The following SLC16A2 variants were observed in gnomAD, a reference collection of about 807,000 sequenced individuals.
SLC16A2 encodes the protein monocarboxylate transporter 8.
A neutral mutation model predicts 27.2 loss-of-function variants in SLC16A2; 3 were observed. The observed-to-expected ratio is 0.11, with a 90% CI of 0.05 to 0.28. The LOEUF (loss-of-function observed/expected upper bound fraction) is 0.28. Among genes scored for constraint, SLC16A2 ranks in the 10% least tolerant of loss-of-function variants. SLC16A2 has a pLI of 1.00. For missense variants in SLC16A2, 295 were observed against 458.5 expected (o/e 0.64, Z 3.26); for synonymous variants, 202 against 187.8 (o/e 1.08, Z -0.62).
intron 1 of SLC16A2, among the ~76,000 whole-genome samples, chrX:74,496,549 T>C (rs1215458119): frequency 8.9e-6 from 1 of 112,150 alleles, no homozygotes; most frequent in African/African-American, 3.2e-5. Context: ...TACCCCAGGC[T>C]GAAGTAAGCC....
chrX:74,522,180 T>A (rs1284869319), intron 2 of SLC16A2, among the ~76,000 whole-genome samples: 1 of 111,948 alleles, frequency 8.9e-6, no homozygotes. Context: ...TGTCAGAGAC[T>A]TGCTTTCTGA....
chrX:74,431,209 C>G (rs890295590), intron 1 of SLC16A2, among the ~76,000 whole-genome samples: 1 of 112,700 alleles, frequency 8.9e-6, no homozygotes, highest in Non-Finnish European at 1.9e-5. Context: ...GACATGGAAT[C>G]AACCTAGGTG....
intron 1 of SLC16A2, chrX:74,473,944 A>G: frequency 2.7e-6 from 1 of 369,555 alleles, no homozygotes; most frequent in South Asian, 5.3e-5. Context: ...GGAGATGCTG[A>G]CTTAGACACG....
intron 1 of SLC16A2, among the ~76,000 whole-genome samples, chrX:74,502,878 C>T (rs1930061317): frequency 9.0e-6 from 1 of 110,708 alleles, no homozygotes. Context: ...GGTCCACGGG[C>T]TGGCATTTGG....
chrX:74,496,897 C>T (rs995939500), intron 1 of SLC16A2, among the ~76,000 whole-genome samples: 2 of 111,885 alleles, frequency 1.8e-5, no homozygotes, highest in African/African-American at 6.5e-5. Context: ...TTCTGCTGGT[C>T]GGGGCTGTTC....
intron 1 of SLC16A2, among the ~76,000 whole-genome samples, chrX:74,441,662 A>G (rs1360053161): frequency 2.7e-5 from 3 of 111,014 alleles, no homozygotes; most frequent in African/African-American, 9.8e-5. Context: ...GGCTTTGAAT[A>G]TGTTCAACTT....
intron 1 of SLC16A2, among the ~76,000 whole-genome samples, chrX:74,493,173 A>AG (rs1449481154): frequency 1.2e-4 from 13 of 111,793 alleles, no homozygotes; most frequent in Non-Finnish European, 2.4e-4. Context: ...AGAGGGACAG[A>AG]GGTAAGTAAC....
Position 74,532,512 on chromosome X carries a change from TC to T in SLC16A2, c.*961del, listed in dbSNP as rs1369594640. On this transcript the variant is annotated 3_prime_UTR_variant, in exon 6 of 6. Coordinates refer to ENST00000587091, the MANE Select transcript of SLC16A2 (RefSeq NM_006517.5). Reference sequence around the variant, plus strand: ...TACACATGGCAAAATGTGAAGAAACTCCTTTCATCTCAGCAGGTAGAGGAGG... The same window carrying T: ...TACACATGGCAAAATGTGAAGAAACTCTTTCATCTCAGCAGGTAGAGGAGG... 1 of 111,369 alleles carries T rather than the reference TC, an allele frequency of 9.0e-6. No individual in the cohort carries two copies. The highest frequency in any genetic ancestry group is 2.8e-4 in the East Asian group (1 of 3,545). 9.2% of individuals were successfully genotyped at this position (111,369 alleles called of 1,213,427 possible). A position where few individuals can be genotyped will look rare whatever the true frequency, so the allele number is the denominator to read the frequency against.
intron 1 of SLC16A2, among the ~76,000 whole-genome samples, chrX:74,501,448 T>C (rs1930032792): frequency 9.0e-6 from 1 of 111,381 alleles, no homozygotes. Context: ...CTCAGGCCTG[T>C]TGATGAAAAG....
intron 1 of SLC16A2, among the ~76,000 whole-genome samples, chrX:74,439,989 A>G (rs1343777547): frequency 8.9e-6 from 1 of 111,800 alleles, no homozygotes; most frequent in African/African-American, 3.3e-5. Context: ...AATGTAGGCT[A>G]GAAAATTGTT....
At chrX:74,500,550 G>A (rs971836213) in intron 1 of SLC16A2, among the ~76,000 whole-genome samples, 27 of 111,066 alleles carry the variant, frequency 2.4e-4, no homozygotes, top group East Asian at 1.1e-3. Flanking sequence ...TCCTCGCCCC[G>A]CCACACTCTT....
At chrX:74,442,510 A>G (rs1293497250) in intron 1 of SLC16A2, among the ~76,000 whole-genome samples, 1 of 112,226 alleles carries the variant, frequency 8.9e-6, no homozygotes, top group African/African-American at 3.2e-5. Flanking sequence ...AAAACAGTCC[A>G]GGTCTCATGT....
intron 1 of SLC16A2, 22 bp downstream of exon 1, chrX:74,422,089 A>T (rs1462495333): frequency 8.3e-7 from 1 of 1,198,621 alleles, no homozygotes; most frequent in Non-Finnish European, 1.1e-6. Context: ...CGCACGCCCC[A>T]CTTGGCATTT....
chrX:74,520,761 G>A (rs753037852), intron 1 of SLC16A2, among the ~76,000 whole-genome samples: 37 of 111,728 alleles, frequency 3.3e-4, no homozygotes, highest in Non-Finnish European at 6.0e-4. Flanking sequence ...AGCATCCCTG[G>A]AAAGGCCTGA....
At chrX:74,472,461 C>G (rs963667618) in intron 1 of SLC16A2, among the ~76,000 whole-genome samples, 2 of 111,016 alleles carry the variant, frequency 1.8e-5, no homozygotes, top group Non-Finnish European at 1.9e-5. Context: ...ACTATTTTAT[C>G]TATATTGAAT....
Position 74,494,315 on chromosome X carries a change from G to A in SLC16A2, c.431-26675G>A, listed in dbSNP as rs760733743. The stretch of plus-strand genomic sequence containing the variant: ...CAAGCCTATACACAAGTGGAAGGGC[G>A]TAGTGACCCCTCCTGTACACAGCAT... On this transcript the variant is annotated intron_variant, in intron 1 of 5. Transcript: ENST00000587091. Among the ~76,000 whole-genome samples, 736 of 111,757 alleles carry A rather than the reference G, an allele frequency of 6.6e-3. 3 individuals carry two copies. Among genetic ancestry groups the A allele is most frequent in the Non-Finnish European group, 0.01 (540 of 53,155 alleles).
At chrX:74,486,614 G>A (rs1387495352) in intron 1 of SLC16A2, among the ~76,000 whole-genome samples, 1 of 112,000 alleles carries the variant, frequency 8.9e-6, no homozygotes, top group East Asian at 2.8e-4. Context: ...TGGAGAAATA[G>A]GAACACTTTT....
intron 1 of SLC16A2, among the ~76,000 whole-genome samples, chrX:74,506,774 A>G (rs1930135487): frequency 9.0e-6 from 1 of 110,879 alleles, no homozygotes; most frequent in Non-Finnish European, 1.9e-5. Flanking sequence ...ATCACAGTGC[A>G]GTAGAAGGAG....
chrX:74,461,450 G>C (rs1311622064), intron 1 of SLC16A2, among the ~76,000 whole-genome samples: 2 of 110,172 alleles, frequency 1.8e-5, no homozygotes, highest in Admixed American at 9.7e-5. Flanking sequence ...ATGTGTGTCT[G>C]TCTGTGAAAA....
Sources: gnomAD v4.1 joint callset for allele counts (sites outside exome capture counted in the v4.1 genomes callset) on GRCh38, gnomAD v4.1.1 for gene constraint, MANE v1.5 for transcripts, NCBI Gene and HGNC (gene_info 2026-07-23, HGNC 2026-07-21) for gene names.